The following TBC1D19 variants were observed in gnomAD, a reference collection of about 807,000 sequenced individuals.
TBC1D19 encodes the protein TBC1 domain family member 19, also known as TBC1 domain family, member 19.
Under a neutral mutation model 89.0 loss-of-function variants are expected in TBC1D19, and 60 were observed. That is an observed-to-expected ratio of 0.67 (90% CI 0.55 to 0.84). The LOEUF (loss-of-function observed/expected upper bound fraction) is 0.84. Among genes scored for constraint, TBC1D19 ranks in the 40% least tolerant of loss-of-function variants. The pLI, the probability that TBC1D19 is intolerant of heterozygous loss-of-function variation, is 0.00. For synonymous variants in TBC1D19, 189 were observed against 199.7 expected, an observed-to-expected ratio of 0.95 and a Z score of 0.45; for missense variants, 500 against 610.8, an observed-to-expected ratio of 0.82 and a Z score of 1.91.
At position 26,614,449 on chromosome 4, in the gene TBC1D19, AGT is replaced by A; in HGVS notation, c.218+2_218+3del. On this transcript the variant is annotated frameshift_variant and splice_region_variant, in exon 3 of 21. Coordinates refer to ENST00000264866, the MANE Select transcript of TBC1D19 (RefSeq NM_018317.4). LOFTEE classifies it high-confidence loss of function. ...KLQNAVYSEL[S>X]VFPLPSHPAA... Reference sequence around the variant, plus strand: ...TCAGAATGCTGTTTATAGTGAACTGAGTGTGTGAGTTTTCCCACCTATTTTAC... The same window carrying A: ...TCAGAATGCTGTTTATAGTGAACTGAGTGTGAGTTTTCCCACCTATTTTAC... 15 of 1,586,474 alleles carry A rather than the reference AGT, an allele frequency of 9.5e-6. No individual in the cohort carries two copies. Among genetic ancestry groups the A allele is most frequent in the Non-Finnish European group, 1.3e-5 (15 of 1,167,710 alleles).
At chr4:26,601,220 A>C (rs1332645628) in intron 1 of TBC1D19, among the ~76,000 whole-genome samples, 1 of 152,114 alleles carries the variant, frequency 6.6e-6, no homozygotes, top group Non-Finnish European at 1.5e-5. Flanking sequence ...TGTAGTAACC[A>C]CTGTTCTACG....
intron 7 of TBC1D19, among the ~76,000 whole-genome samples, chr4:26,644,412 G>A (rs558976208): frequency 1.3e-5 from 2 of 152,236 alleles, no homozygotes; most frequent in African/African-American, 4.8e-5. Context: ...AGGTATTGAT[G>A]GAACGTATCT....
intron 4 of TBC1D19, among the ~76,000 whole-genome samples, chr4:26,630,217 C>A (rs572017501): frequency 6.6e-6 from 1 of 151,722 alleles, no homozygotes; most frequent in Non-Finnish European, 1.5e-5. Flanking sequence ...ATTTATGAAA[C>A]TCCTGAAATC....
At chr4:26,739,643 T>A (rs1249556865) in intron 16 of TBC1D19, among the ~76,000 whole-genome samples, 1 of 152,182 alleles carries the variant, frequency 6.6e-6, no homozygotes, top group African/African-American at 2.4e-5. Flanking sequence ...GGGATTATAA[T>A]AGTTTGTAAT....
intron 15 of TBC1D19, among the ~76,000 whole-genome samples, chr4:26,728,300 A>G (rs1164472094): frequency 1.3e-5 from 2 of 152,168 alleles, no homozygotes; most frequent in Non-Finnish European, 2.9e-5. Flanking sequence ...CTGCTTTGAG[A>G]TTTAGTATTT....
the TBC1D19 span, among the ~76,000 whole-genome samples, chr4:26,817,977 A>ATATATAT: frequency 9.5e-6 from 1 of 105,494 alleles, no homozygotes; most frequent in African/African-American, 4.8e-5. Flanking sequence ...TTAAAAAAAA[A>ATATATAT]AAAAATATAT....
intron 13 of TBC1D19, among the ~76,000 whole-genome samples, chr4:26,714,824 T>C (rs961571490): frequency 3.3e-5 from 5 of 152,058 alleles, no homozygotes; most frequent in Non-Finnish European, 5.9e-5. Context: ...CACACTGACT[T>C]ACTTTCCTTG....
At chr4:26,851,304 CCTATCTATCTAT>C in the TBC1D19 span, among the ~76,000 whole-genome samples, 1,940 of 147,024 alleles carry the variant, frequency 0.013, 18 homozygotes, top group East Asian at 0.021. Flanking sequence ...TAATAAATAC[CCTATCTATCTAT>C]CTATCTATCT....
chr4:26,585,563 A>C (rs1739360822), intron 1 of TBC1D19, among the ~76,000 whole-genome samples: 1 of 151,908 alleles, frequency 6.6e-6, no homozygotes, highest in Non-Finnish European at 1.5e-5. Flanking sequence ...TGCGTCTTGC[A>C]AATATTTTCT....
At chr4:26,814,752 G>A in the TBC1D19 span, among the ~76,000 whole-genome samples, 6 of 152,300 alleles carry the variant, frequency 3.9e-5, no homozygotes, top group African/African-American at 1.2e-4. Context: ...CAGGCATGGT[G>A]GCACATGCCT....
At chr4:26,620,444 C>T (rs572092213) in intron 3 of TBC1D19, among the ~76,000 whole-genome samples, 169 bp from the exon 4 acceptor site, 9 of 152,200 alleles carry the variant, frequency 5.9e-5, no homozygotes, top group African/African-American at 2.2e-4. Flanking sequence ...CCTAGAATGG[C>T]CCAAGTATTT....
chr4:26,778,995 C>T, the TBC1D19 span, among the ~76,000 whole-genome samples: 1 of 152,218 alleles, frequency 6.6e-6, no homozygotes, highest in Admixed American at 6.5e-5. Flanking sequence ...TATGTTAAAA[C>T]TCCCCAAGTG....
chr4:26,666,120 G>C (rs1030343621), intron 8 of TBC1D19, among the ~76,000 whole-genome samples: 16 of 151,554 alleles, frequency 1.1e-4, no homozygotes, highest in Non-Finnish European at 5.9e-5. Context: ...ATATTATATA[G>C]TAATCACTGG....
intron 4 of TBC1D19, among the ~76,000 whole-genome samples, chr4:26,629,653 T>C (rs1742670364): frequency 6.6e-6 from 1 of 151,918 alleles, no homozygotes; most frequent in Non-Finnish European, 1.5e-5. Context: ...AGTAAAAAAT[T>C]TAAAAGAATC....
chr4:26,821,383 T>C, the TBC1D19 span, among the ~76,000 whole-genome samples: 1 of 152,254 alleles, frequency 6.6e-6, no homozygotes. Context: ...ACCATTAACA[T>C]TGTTTTCAAA....
chr4:26,633,033 C>A (rs567068040), intron 4 of TBC1D19, among the ~76,000 whole-genome samples: 102 of 152,252 alleles, frequency 6.7e-4, no homozygotes, highest in African/African-American at 2.4e-3. Flanking sequence ...TATCTACAAT[C>A]TCTTTCATTA....
chr4:26,773,729 C>T, the TBC1D19 span, among the ~76,000 whole-genome samples: 1 of 152,134 alleles, frequency 6.6e-6, no homozygotes, highest in East Asian at 1.9e-4. Context: ...GGAATCTTTT[C>T]CCCATTCCTC....
At chr4:26,679,009 G>A (rs1713094414) in intron 11 of TBC1D19, among the ~76,000 whole-genome samples, 1 of 152,180 alleles carries the variant, frequency 6.6e-6, no homozygotes. Flanking sequence ...AGAGGTGACA[G>A]AGCATAAAAG....
intron 19 of TBC1D19, among the ~76,000 whole-genome samples, chr4:26,752,325 G>C (rs923491263): frequency 1.3e-5 from 2 of 148,910 alleles, no homozygotes; most frequent in Non-Finnish European, 3.0e-5. Flanking sequence ...GCTCACTGCA[G>C]CCTTGAACTC....
Sources: allele counts gnomAD v4.1 joint callset (sites outside exome capture counted in the v4.1 genomes callset), GRCh38; gene constraint gnomAD v4.1.1; transcripts MANE v1.5; gene names NCBI Gene and HGNC (gene_info 2026-07-23, HGNC 2026-07-21).